SLC26A4: variants seen among roughly 807,000 people sequenced by gnomAD.
SLC26A4 encodes solute carrier family 26 member 4.
In SLC26A4, 93 loss-of-function variants were observed where a neutral mutation model predicts 90.4. The ratio of observed to expected loss-of-function variants is 1.03; its 90% CI spans 0.87 to 1.22. SLC26A4 has a LOEUF of 1.22. Ranked by LOEUF, SLC26A4 falls within the 50% of genes most tolerant of loss-of-function variation. The pLI, the probability that SLC26A4 is intolerant of heterozygous loss-of-function variation, is 0.00. For missense variants in SLC26A4, 1,127 were observed against 946.2 expected, an observed-to-expected ratio of 1.19 and a Z score of -2.51; for synonymous variants, 393 against 354.6, an observed-to-expected ratio of 1.11 and a Z score of -1.22.
At chr7:107,704,753 G>T (rs562400767) in intron 18 of SLC26A4, among the ~76,000 whole-genome samples, 2 of 152,296 alleles carry the variant, frequency 1.3e-5, no homozygotes, top group African/African-American at 4.8e-5. Context: ...TTTGTATGAG[G>T]ATTATTGCAG....
intron 10 of SLC26A4, chr7:107,691,798 A>G (rs1262020993): frequency 1.9e-5 from 19 of 1,014,144 alleles, no homozygotes; most frequent in Non-Finnish European, 2.2e-5. Context: ...AAATATTTCC[A>G]GCTCTGAGGG....
At chr7:107,696,082 C>T (rs764223755) in intron 13 of SLC26A4, 43 bp downstream of exon 13, 1 of 1,046,784 alleles carries the variant, frequency 9.6e-7, no homozygotes, top group Non-Finnish European at 1.5e-6. Flanking sequence ...CAGAACAACA[C>T]ACTCTGAGCT....
chr7:107,662,532 C>A (rs1456642656), intron 2 of SLC26A4, among the ~76,000 whole-genome samples: 1 of 152,066 alleles, frequency 6.6e-6, no homozygotes, highest in African/African-American at 2.4e-5. Flanking sequence ...GTATCTACAC[C>A]TACTTGCTCC....
rs1403840005 is a variant in SLC26A4, at chr7:107,708,335, ACTTTT to A, written c.2090-1711_2090-1707del. On this transcript the variant is annotated intron_variant, in intron 18 of 20. Transcript: ENST00000644269. ...GCATTGTACCTTAGGACAAAGATTT[ACTTTT>A]CTTTTCTCCTTATCATTTTGACCAT... is the stretch of plus-strand genomic sequence containing the variant. Among the ~76,000 whole-genome samples the A allele has an allele frequency of 2.0e-5, 3 of 152,180 alleles. No individual in the cohort carries two copies. In the South Asian group the frequency reaches 6.2e-4, roughly 31 times the overall value.
intron 17 of SLC26A4, 79 bp downstream of exon 17, chr7:107,702,136 A>T (rs569294704): frequency 1.1e-6 from 1 of 890,440 alleles, no homozygotes; most frequent in African/African-American, 1.6e-5. Context: ...GTATTGCAAC[A>T]GGGCAAATAC....
chr7:107,680,439 T>A (rs1198206768), intron 6 of SLC26A4, among the ~76,000 whole-genome samples: 12 of 136,244 alleles, frequency 8.8e-5, no homozygotes, highest in Non-Finnish European at 1.7e-4. Flanking sequence ...ATAAGTATAA[T>A]CTTTTATTAT....
At chr7:107,704,799 A>G (rs1280092158) in intron 18 of SLC26A4, among the ~76,000 whole-genome samples, 1 of 152,172 alleles carries the variant, frequency 6.6e-6, no homozygotes, top group African/African-American at 2.4e-5. Context: ...GGAAATTTAA[A>G]CTGTCCTGTT....
intron 10 of SLC26A4, among the ~76,000 whole-genome samples, chr7:107,691,233 G>T (rs1424994435): frequency 1.3e-5 from 2 of 151,714 alleles, no homozygotes; most frequent in African/African-American, 4.8e-5. Flanking sequence ...CGGGCACAGT[G>T]GCTCATGCTT....
Position 107,683,457 on chromosome 7 carries a change from G to T in SLC26A4, c.921G>T (p.Thr307=), listed in dbSNP as rs765644650. ...TAACATCTTTTGTTTTATTTCAGAC[G>T]ATAATTGCTACTGCCATTTCATATG... ...PVPIPIEVIV[T]IIATAISYGA... Residue 307 remains threonine, a splice_region_variant and synonymous_variant, in exon 8 of 21, where the codon ACG becomes ACT. Transcript: ENST00000644269. 6.2e-7 allele frequency: 1 copy of T among 1,613,582 alleles called. No individual in the cohort carries two copies. Among genetic ancestry groups the T allele is most frequent in the Non-Finnish European group, 8.5e-7 (1 of 1,179,664 alleles).
At chr7:107,676,311 C>G (rs1791022528) in intron 6 of SLC26A4, among the ~76,000 whole-genome samples, 1 of 152,186 alleles carries the variant, frequency 6.6e-6, no homozygotes, top group African/African-American at 2.4e-5. Context: ...ATGATTATTT[C>G]AAGCCATCTT....
chr7:107,715,039 A>T (rs1584348987), intron 20 of SLC26A4, among the ~76,000 whole-genome samples: 1 of 146,952 alleles, frequency 6.8e-6, no homozygotes, highest in South Asian at 2.3e-4. Context: ...AGCCTGACTA[A>T]CATGGTAACC....
intron 14 of SLC26A4, among the ~76,000 whole-genome samples, chr7:107,698,332 C>G (rs963714501): frequency 7.5e-6 from 1 of 134,112 alleles, no homozygotes; most frequent in African/African-American, 2.8e-5. Context: ...TTTTTTTTTT[C>G]TTTTTAGATG....
intron 3 of SLC26A4, among the ~76,000 whole-genome samples, chr7:107,665,833 A>G (rs1790695175): frequency 6.6e-6 from 1 of 152,182 alleles, no homozygotes; most frequent in Non-Finnish European, 1.5e-5. Context: ...GTGGCTGGTA[A>G]GTGGTACAGC....
At chr7:107,695,644 A>G (rs1791715669) in intron 12 of SLC26A4, among the ~76,000 whole-genome samples, 1 of 152,180 alleles carries the variant, frequency 6.6e-6, no homozygotes, top group South Asian at 2.1e-4. Context: ...CTCTACTACA[A>G]ATAAAAGATT....
chr7:107,661,355 C>T lies in SLC26A4; in HGVS notation c.-3-284C>T, dbSNP rs1034482889. 2 of 543,800 alleles carry T rather than the reference C, an allele frequency of 3.7e-6. No homozygotes were observed. The highest frequency in any genetic ancestry group is 6.6e-6 in the Non-Finnish European group (2 of 302,344). 33.7% of individuals were successfully genotyped at this position (543,800 alleles called of 1,614,324 possible). ...AGGGGACTGGGTGGAACTCGGGAAGCCCCCAGAGCAGGGGCTTACTCGCTT... is the reference window on the plus strand; with the variant it reads ...AGGGGACTGGGTGGAACTCGGGAAGTCCCCAGAGCAGGGGCTTACTCGCTT... On this transcript the variant is annotated intron_variant, in intron 1 of 20. Transcript: ENST00000644269. The surrounding 1 kb of genome is among the most constrained non-coding windows in gnomAD (Gnocchi z 5.1).
Position 107,697,929 on chromosome 7 carries a change from GACAGAGTCCAAA to G in SLC26A4, c.1545-109_1545-98del. 4.0e-6 allele frequency: 3 copies of G among 740,772 alleles called. No homozygotes were observed. The South Asian group carries it at 4.4e-5, about 11-fold the overall frequency. 45.9% of individuals were successfully genotyped at this position (740,772 alleles called of 1,614,324 possible). Reference sequence around the variant, plus strand: ...ACAGGAAAATGTCATCTGCAATAAAGACAGAGTCCAAAACACCAGAATGATGGGCTCTTTAGT... The same window carrying G: ...ACAGGAAAATGTCATCTGCAATAAAGACACCAGAATGATGGGCTCTTTAGT... On this transcript the variant is annotated intron_variant, in intron 13 of 20. Coordinates refer to ENST00000644269, the MANE Select transcript of SLC26A4 (RefSeq NM_000441.2).
rs770751632 is a variant in SLC26A4, at chr7:107,695,927, C to T, written c.1438-6C>T. On this transcript the variant is annotated splice_polypyrimidine_tract_variant and splice_region_variant and intron_variant, in intron 12 of 20. Coordinates refer to ENST00000644269, the MANE Select transcript of SLC26A4 (RefSeq NM_000441.2). ...TAATTCTTTTCATTTCTATTTTTTT[C>T]CCTAGGTTATCTGGGTGTTTACGTG... The T allele has an allele frequency of 1.2e-5, 17 of 1,466,564 alleles. No homozygotes were observed. The allele number at this position is 1,466,564 out of a possible 1,614,324, so 90.8% of individuals were successfully genotyped here.
chr7:107,697,692 T>A (rs1293874021), intron 13 of SLC26A4, among the ~76,000 whole-genome samples: 1 of 152,196 alleles, frequency 6.6e-6, no homozygotes, highest in Non-Finnish European at 1.5e-5. Context: ...TAGTTAACAA[T>A]AAAAATCAGG....
rs549925092 is a variant in SLC26A4, at chr7:107,699,252, C to T, written c.1615-831C>T. Among the ~76,000 whole-genome samples the T allele has an allele frequency of 5.9e-5, 9 of 152,184 alleles. 1 individual carries two copies. The South Asian group carries it at 1.9e-3, about 32-fold the overall frequency. On this transcript the variant is annotated intron_variant, in intron 14 of 20. Transcript: ENST00000644269. Reference sequence around the variant, plus strand: ...GCCCAAGTCATTCAGCCTCTCAGGACCTCAGTTTTCTCATCTGAAGCAGCT... The same window carrying T: ...GCCCAAGTCATTCAGCCTCTCAGGATCTCAGTTTTCTCATCTGAAGCAGCT...
Sources: allele counts gnomAD v4.1 joint callset (sites outside exome capture counted in the v4.1 genomes callset), GRCh38; gene constraint gnomAD v4.1.1; non-coding constraint Gnocchi (gnomAD v3.1); transcripts MANE v1.5; gene names NCBI Gene and HGNC (gene_info 2026-07-23, HGNC 2026-07-21).